LCORL: variants seen among roughly 807,000 people sequenced by gnomAD.
The protein encoded by LCORL is ligand dependent nuclear receptor corepressor like.
Under a neutral mutation model 141.8 loss-of-function variants are expected in LCORL, and 41 were observed. That is an observed-to-expected ratio of 0.29 (90% CI 0.23 to 0.38). LCORL has a LOEUF of 0.38. Ranked by LOEUF, LCORL falls within the 10% of genes least tolerant of loss-of-function variation. The pLI is 1.00. For synonymous variants in LCORL, 618 were observed against 694.1 expected, an observed-to-expected ratio of 0.89 and a Z score of 1.72; for missense variants, 1,759 against 2,035.0, an observed-to-expected ratio of 0.86 and a Z score of 2.61.
intron 5 of LCORL, among the ~76,000 whole-genome samples, chr4:17,906,688 CT>C (rs36083281): frequency 0.01 from 1,359 of 133,976 alleles, 9 homozygotes; most frequent in African/African-American, 0.03. Context: ...TTTAAAATGC[CT>C]TTTTTTTTTT....
intron 5 of LCORL, among the ~76,000 whole-genome samples, chr4:17,895,930 T>A (rs1201012421): frequency 1.3e-5 from 2 of 152,246 alleles, no homozygotes; most frequent in Non-Finnish European, 2.9e-5. Flanking sequence ...ATTTTACTTA[T>A]CCTTTCTTCA....
At chr4:17,843,233 A>AGTT (rs1577220540) in exon 8 of LCORL, 1 of 1,514,358 alleles carries the variant, frequency 6.6e-7, no homozygotes, top group East Asian at 2.3e-5. Context: ...GAAACAAAAA[A>AGTT]GTTTTATTTA....
At chr4:18,007,975 A>T (rs1723090854) in intron 1 of LCORL, among the ~76,000 whole-genome samples, 1 of 152,236 alleles carries the variant, frequency 6.6e-6, no homozygotes, top group African/African-American at 2.4e-5. Flanking sequence ...AAAAAAATAC[A>T]GGATTTTACC....
At chr4:18,020,803 G>A (rs972740925) in intron 1 of LCORL, 1 of 152,290 alleles carries the variant, frequency 6.6e-6, no homozygotes, top group African/African-American at 2.4e-5. Context: ...CAGTGAAAGA[G>A]GACCAGAGTC....
chr4:17,892,891 T>C (rs1409014366), intron 5 of LCORL, among the ~76,000 whole-genome samples: 1 of 152,198 alleles, frequency 6.6e-6, no homozygotes, highest in East Asian at 1.9e-4. Context: ...CATTACCTTA[T>C]TCTGTAAAAA....
exon 8 of LCORL, chr4:17,843,371 AC>A: frequency 6.2e-7 from 1 of 1,612,210 alleles, no homozygotes; most frequent in Non-Finnish European, 8.5e-7. Flanking sequence ...AAACCGCAGC[AC>A]TAGAAAAAAG....
chr4:17,916,680 C>T (rs961868203), intron 4 of LCORL, among the ~76,000 whole-genome samples: 2 of 148,214 alleles, frequency 1.3e-5, no homozygotes, highest in Admixed American at 6.7e-5. Context: ...ATAGTGTCCC[C>T]GTCACCCAGG....
chr4:17,876,673 T>C, exon 7 of LCORL: 1 of 1,230,798 alleles, frequency 8.1e-7, no homozygotes, highest in Non-Finnish European at 1.0e-6. Context: ...ATATTTCGTT[T>C]AGTTCTGCTC....
At chr4:18,007,487 T>C (rs1019197612) in intron 1 of LCORL, among the ~76,000 whole-genome samples, 1 of 152,188 alleles carries the variant, frequency 6.6e-6, no homozygotes, top group Non-Finnish European at 1.5e-5. Context: ...AATTTAATAC[T>C]GTATATGCTT....
At chr4:17,984,083 T>C (rs771167955) in intron 1 of LCORL, among the ~76,000 whole-genome samples, 37 of 152,206 alleles carry the variant, frequency 2.4e-4, no homozygotes, top group Non-Finnish European at 5.1e-4. Flanking sequence ...TTGACTTGCA[T>C]ATGTTGAACC....
At chr4:17,950,262 T>C (rs1004716178) in intron 4 of LCORL, among the ~76,000 whole-genome samples, 3 of 152,140 alleles carry the variant, frequency 2.0e-5, no homozygotes, top group Non-Finnish European at 4.4e-5. Context: ...TTATTATTCA[T>C]CAAGGAACAT....
chr4:17,979,527 T>C, intron 1 of LCORL, among the ~76,000 whole-genome samples: 1 of 152,366 alleles, frequency 6.6e-6, no homozygotes, highest in Middle Eastern at 3.4e-3. Flanking sequence ...CTATAATTTA[T>C]TTCTTTAAAT....
chr4:18,012,191 T>C (rs1723915797), intron 1 of LCORL, among the ~76,000 whole-genome samples: 1 of 152,220 alleles, frequency 6.6e-6, no homozygotes, highest in South Asian at 2.1e-4. Context: ...TCCTTACAGT[T>C]GGTCCCTAGT....
chr4:17,928,670 T>G (rs1735536918), intron 4 of LCORL, among the ~76,000 whole-genome samples: 1 of 152,176 alleles, frequency 6.6e-6, no homozygotes, highest in African/African-American at 2.4e-5. Context: ...CCCAGAATGC[T>G]TTGTCAGGAA....
intron 1 of LCORL, among the ~76,000 whole-genome samples, chr4:18,003,277 G>C (rs1252657396): frequency 1.3e-5 from 2 of 152,110 alleles, no homozygotes. Flanking sequence ...AGAATTTTTT[G>C]CATCAGTCTA....
intron 1 of LCORL, among the ~76,000 whole-genome samples, chr4:18,009,636 C>G (rs890318721): frequency 6.6e-6 from 1 of 152,088 alleles, no homozygotes; most frequent in Non-Finnish European, 1.5e-5. Context: ...ACTCCCTACC[C>G]CCTGGTATCT....
intron 1 of LCORL, among the ~76,000 whole-genome samples, chr4:18,004,208 A>G (rs994591088): frequency 4.6e-5 from 7 of 152,242 alleles, no homozygotes; most frequent in Non-Finnish European, 1.0e-4. Flanking sequence ...CCTACCACAT[A>G]TACTAAATGA....
intron 7 of LCORL, among the ~76,000 whole-genome samples, chr4:17,866,308 A>G (rs889600253): frequency 8.5e-5 from 13 of 152,288 alleles, no homozygotes; most frequent in African/African-American, 3.1e-4. Flanking sequence ...AAACCTCCCA[A>G]AATTAAATTC....
At chr4:17,930,975 G>A (rs1422206842) in intron 4 of LCORL, among the ~76,000 whole-genome samples, 1 of 152,068 alleles carries the variant, frequency 6.6e-6, no homozygotes, top group East Asian at 1.9e-4. Flanking sequence ...CTTTTACTGA[G>A]CTTTCTTGAT....
Sources: gnomAD v4.1 joint callset for allele counts (sites outside exome capture counted in the v4.1 genomes callset) on GRCh38, gnomAD v4.1.1 for gene constraint, MANE v1.5 for transcripts, NCBI Gene and HGNC (gene_info 2026-07-23, HGNC 2026-07-21) for gene names.